Variants in ITLN1 observed in about 807,000 individuals in gnomAD.
ITLN1 encodes intelectin-1.
Under a neutral mutation model 36.2 loss-of-function variants are expected in ITLN1, and 29 were observed. That is an observed-to-expected ratio of 0.80 (90% CI 0.60 to 1.09). ITLN1 has a LOEUF of 1.09. Ranked by LOEUF, ITLN1 falls within the 50% of genes least tolerant of loss-of-function variation. The pLI is 0.00. For missense variants in ITLN1, 358 were observed against 405.2 expected (o/e 0.88, Z 1.00); for synonymous variants, 143 against 146.5 (o/e 0.98, Z 0.17).
At chr1:160,884,404 A>ATTTATATATATATATAT (rs1557857168) in intron 2 of ITLN1, among the ~76,000 whole-genome samples, 6 of 145,444 alleles carry the variant, frequency 4.1e-5, no homozygotes, top group African/African-American at 1.7e-4. Context: ...CCTTTTCTTT[A>ATTTATATATATATATAT]AAAAAAAAAT....
intron 5 of ITLN1, 48 bp downstream of exon 5, chr1:160,881,106 T>C (rs775904920): frequency 3.3e-6 from 5 of 1,532,266 alleles, no homozygotes; most frequent in Non-Finnish European, 4.4e-6. Context: ...TAACACTTGC[T>C]TCTCTGTACA....
chr1:160,882,321 C>G (rs2101910418), intron 3 of ITLN1, 117 bp from the exon 4 acceptor site: 3 of 1,355,348 alleles, frequency 2.2e-6, no homozygotes, highest in Non-Finnish European at 3.0e-6. Flanking sequence ...TGTCCTGACT[C>G]ACATCACTAA....
chr1:160,881,898 T>G (rs1025339294), intron 4 of ITLN1, 59 bp downstream of exon 4: 34 of 1,612,922 alleles, frequency 2.1e-5, no homozygotes, highest in East Asian at 1.1e-4. Context: ...CCTGCAGGCT[T>G]GTGGCCAGCC....
Position 160,880,598 on chromosome 1 carries a change from G to C in ITLN1, c.675C>G (p.Pro225=). The change falls in exon 6 of 8, where the codon CCC becomes CCG. Residue 225 remains proline (P), a synonymous_variant. Transcript: ENST00000326245. The part of the protein sequence containing the change: ...DAQKTASYYS[P]YGQREFTAGF... ...TCATTAAAGACTCACGCTGGCCATA[G>C]GGTGAGTAATAAGATGCTGTTTTCT... 1 of 1,614,084 alleles carries C rather than the reference G, an allele frequency of 6.2e-7. No homozygotes were observed. Among genetic ancestry groups the C allele is most frequent in the African/African-American group, 1.3e-5 (1 of 75,018 alleles).
chr1:160,881,459 G>A (rs888378028), intron 4 of ITLN1, 147 bp from the exon 5 acceptor site: 105 of 856,794 alleles, frequency 1.2e-4, no homozygotes, highest in Middle Eastern at 1.1e-3. Flanking sequence ...ACTCCCAGCC[G>A]ATGATCCCAC....
intron 3 of ITLN1, 192 bp from the exon 4 acceptor site, chr1:160,882,396 A>C: frequency 1.9e-6 from 1 of 533,722 alleles, no homozygotes; most frequent in Non-Finnish European, 3.1e-6. Context: ...CTGAGGCAGA[A>C]CATAGAATTG....
At position 160,876,705 on chromosome 1, in the gene ITLN1, G is replaced by A. The variant is rs190234680; in HGVS notation, c.901C>T (p.Arg301Cys). The A allele has an allele frequency of 1.4e-5, 23 of 1,614,156 alleles. No homozygotes were observed. The highest frequency in any genetic ancestry group is 3.3e-4 in the Middle Eastern group (2 of 6,062). Residue 301 changes from arginine to cysteine, a missense_variant, in exon 8 of 8, where the codon CGT becomes TGT. Coordinates refer to ENST00000326245, the MANE Select transcript of ITLN1 (RefSeq NM_017625.3). ...YGTHVGYSSSREITEAAVLLF... is the reference protein window; with the variant it reads ...YGTHVGYSSSCEITEAAVLLF... ...AGCACAGCTGCCTCAGTTATCTCAC[G>A]GCTGCTGCTGTAACCAACATGAGTT...
rs1245219086 is a variant in ITLN1, at chr1:160,882,194, A to G, written c.168T>C (p.Tyr56=). The G allele has an allele frequency of 1.3e-6, 2 of 1,577,358 alleles. No homozygotes were observed. The highest frequency in any genetic ancestry group is 2.7e-5 in the African/African-American group (2 of 74,424). Residue 56 remains tyrosine (Y), a synonymous_variant, in exon 4 of 8, where the codon TAT becomes TAC. Transcript: ENST00000326245. ...TAACACCATTCTCAGTGCGGAGAAAATACAGGCCATCTGTAGAGAGAACCA... is the reference window on the plus strand; with the variant it reads ...TAACACCATTCTCAGTGCGGAGAAAGTACAGGCCATCTGTAGAGAGAACCA... ...DECPSAFDGL[Y]FLRTENGVIY...
At position 160,876,591 on chromosome 1, in the gene ITLN1, C is replaced by T; in HGVS notation, c.*73G>A. On this transcript the variant is annotated 3_prime_UTR_variant, in exon 8 of 8. Transcript: ENST00000326245. Reference sequence around the variant, plus strand: ...TCTTCTGCCATTAACATTCTAGCTACTGGGTAAGTTGTTCTCCATCCTTGG... The same window carrying T: ...TCTTCTGCCATTAACATTCTAGCTATTGGGTAAGTTGTTCTCCATCCTTGG... 2.8e-6 allele frequency: 4 copies of T among 1,440,920 alleles called. No individual in the cohort carries two copies. Among genetic ancestry groups the T allele is most frequent in the Non-Finnish European group, 3.9e-6 (4 of 1,038,294 alleles). The allele number at this position is 1,440,920 out of a possible 1,614,324, so 89.3% of individuals were successfully genotyped here. A position where few individuals can be genotyped will look rare whatever the true frequency, so the allele number is the denominator to read the frequency against.
At chr1:160,882,284 G>T (rs1670694035) in intron 3 of ITLN1, 80 bp from the exon 4 acceptor site, 1 of 1,506,486 alleles carries the variant, frequency 6.6e-7, no homozygotes, top group East Asian at 2.3e-5. Flanking sequence ...AAGGCCCTAG[G>T]AACCAGAGAC....
intron 2 of ITLN1, among the ~76,000 whole-genome samples, chr1:160,884,478 A>T (rs1219506258): frequency 6.6e-6 from 1 of 152,262 alleles, no homozygotes; most frequent in Non-Finnish European, 1.5e-5. Context: ...TAGAGAGGAA[A>T]ACTGTGGAGA....
At chr1:160,879,475 C>T in intron 6 of ITLN1, 61 bp from the exon 7 acceptor site, 1 of 1,351,488 alleles carries the variant, frequency 7.4e-7, no homozygotes, top group Non-Finnish European at 1.1e-6. Flanking sequence ...TTTCCTTAGG[C>T]CAGCCCAGAG....
Position 160,881,797 on chromosome 1 carries a change from G to A in ITLN1, c.405+160C>T, listed in dbSNP as rs553496651. On this transcript the variant is annotated intron_variant, in intron 4 of 7. Transcript: ENST00000326245. The stretch of plus-strand genomic sequence containing the variant: ...AACCTGGGCAACAGAGTAAGACTCC[G>A]TCTCAAGAAAAAAAAAAAAAAAAAA... Among the ~76,000 whole-genome samples the A allele has an allele frequency of 1.9e-4, 18 of 94,216 alleles. No individual in the cohort carries two copies. In the East Asian group the frequency reaches 3.6e-3, roughly 19 times the overall value. 61.8% of individuals were successfully genotyped at this position (94,216 alleles called of 152,430 possible). A position where few individuals can be genotyped will look rare whatever the true frequency, so the allele number is the denominator to read the frequency against.
chr1:160,881,397 T>C (rs916141876), intron 4 of ITLN1, 85 bp from the exon 5 acceptor site: 1 of 1,453,920 alleles, frequency 6.9e-7, no homozygotes, highest in African/African-American at 1.4e-5. Context: ...AGCTGGACTG[T>C]GAGAGCTCTG....
intron 7 of ITLN1, among the ~76,000 whole-genome samples, 188 bp from the exon 8 acceptor site, chr1:160,877,004 G>A (rs952312562): frequency 4.6e-5 from 7 of 152,208 alleles, no homozygotes; most frequent in South Asian, 2.1e-4. Context: ...CTGGGAGGCC[G>A]AAGAGGGTGG....
chr1:160,884,655 T>C (rs2039415), intron 2 of ITLN1, among the ~76,000 whole-genome samples, 165 bp downstream of exon 2: 100,148 of 151,870 alleles, frequency 0.66, 33,289 homozygotes, highest in Middle Eastern at 0.73. Flanking sequence ...AAGCAATACC[T>C]TCACTGCCAC....
At position 160,881,017 on chromosome 1, in the gene ITLN1, G is replaced by A. The variant is rs191949313; in HGVS notation, c.564+137C>T. The A allele has an allele frequency of 1.7e-4, 180 of 1,038,986 alleles. No individual in the cohort carries two copies. The East Asian group carries it at 4.3e-3, about 25-fold the overall frequency. 64.4% of individuals were successfully genotyped at this position (1,038,986 alleles called of 1,614,324 possible). A position where few individuals can be genotyped will look rare whatever the true frequency, so the allele number is the denominator to read the frequency against. Reference sequence around the variant, plus strand: ...GCCTGGCTTAGAATTCCTAAGAGAAGCAACAGAAGCCATCAGCAAATCTGG... The same window carrying A: ...GCCTGGCTTAGAATTCCTAAGAGAAACAACAGAAGCCATCAGCAAATCTGG... On this transcript the variant is annotated intron_variant, in intron 5 of 7. Transcript: ENST00000326245.
rs79969862 is a variant in ITLN1 at position 160,883,522 on chromosome 1, C to T, written c.63G>A (p.Glu21=). The part of the protein sequence containing the change: ...IATTRGWSTD[E]ANTYFKEWTC... ...TCCATTCCTTGAAGTAAGTATTAGC[C>T]TCATCTAGGGAATACACAGGGTTTA... The change falls in exon 3 of 8, where the codon GAG becomes GAA. Residue 21 remains glutamate (E), a synonymous_variant. Coordinates refer to ENST00000326245, the MANE Select transcript of ITLN1 (RefSeq NM_017625.3). 5,356 of 1,602,212 alleles carry T rather than the reference C, an allele frequency of 3.3e-3. 119 individuals are homozygous for T. In the African/African-American group the frequency reaches 0.041, roughly 12 times the overall value.
chr1:160,878,154 G>A (rs1670620699), intron 7 of ITLN1, among the ~76,000 whole-genome samples: 1 of 151,590 alleles, frequency 6.6e-6, no homozygotes, highest in South Asian at 2.1e-4. Flanking sequence ...GGCAACAAGA[G>A]CAAAACTCTG....
Sources: allele counts gnomAD v4.1 joint callset (sites outside exome capture counted in the v4.1 genomes callset), GRCh38; gene constraint gnomAD v4.1.1; transcripts MANE v1.5; gene names NCBI Gene and HGNC (gene_info 2026-07-23, HGNC 2026-07-21).